The following PUS7 variants were observed in gnomAD, a reference collection of about 807,000 sequenced individuals.
PUS7 encodes pseudouridine synthase 7.
Under a neutral mutation model 79.8 loss-of-function variants are expected in PUS7, and 48 were observed. That is an observed-to-expected ratio of 0.60 (90% CI 0.48 to 0.76). The LOEUF is 0.76. PUS7 is among the 30% of genes least tolerant of loss of function. PUS7 has a pLI of 0.00. For missense variants in PUS7, 729 were observed against 797.6 expected (o/e 0.91, Z 1.04); for synonymous variants, 286 against 272.2 (o/e 1.05, Z -0.50).
rs368737887 is a variant in PUS7, at chr7:105,498,555, G to A, written c.731-3302C>T. Among the ~76,000 whole-genome samples the A allele has an allele frequency of 6.6e-5, 10 of 152,282 alleles. No individual in the cohort carries two copies. In the South Asian group the frequency reaches 2.1e-3, roughly 32 times the overall value. ...AAGTTCAGGAAGTTTGATTTATTGA[G>A]CACAGACATCTCCATGAATAAAGAA... On this transcript the variant is annotated intron_variant, in intron 5 of 15. Transcript: ENST00000469408.
rs780961129 is a variant in PUS7, at chr7:105,495,193, T to TTATA, written c.787_790dup (p.Lys264IlefsTer2). On this transcript the variant is annotated stop_gained and frameshift_variant, in exon 6 of 16. Coordinates refer to ENST00000469408, the MANE Select transcript of PUS7 (RefSeq NM_019042.5). LOFTEE classifies it high-confidence loss of function. ...AGCATCCATGGTGTCTTTGTTTTCC[T>TTATA]TATATAGTACGAAGTGGCAGTAACT... 2 of 1,613,030 alleles carry TTATA rather than the reference T, an allele frequency of 1.2e-6. No homozygotes were observed. The highest frequency in any genetic ancestry group is 1.7e-6 in the Non-Finnish European group (2 of 1,179,424).
chr7:105,514,675 T>C (rs1346583500), intron 1 of PUS7, among the ~76,000 whole-genome samples: 1 of 152,196 alleles, frequency 6.6e-6, no homozygotes, highest in Non-Finnish European at 1.5e-5. Context: ...AAACACTTTT[T>C]AAGCCTTGAG....
Position 105,508,326 on chromosome 7 carries a change from C to T in PUS7, c.187G>A (p.Asp63Asn). Reference protein sequence around the residue: ...SISEDVPRPPDTVSTGKGGKN... With the variant: ...SISEDVPRPPNTVSTGKGGKN... ...CCACCTTTCCCAGTACTGACAGTGT[C>T]AGGAGGCCGAGGCACGTCTTCACTG... is the stretch of plus-strand genomic sequence containing the variant. Residue 63 changes from aspartate (D) to asparagine (N), a missense_variant, in exon 2 of 16, where the codon GAC becomes AAC. Coordinates refer to ENST00000469408, the MANE Select transcript of PUS7 (RefSeq NM_019042.5). 1 of 1,614,164 alleles carries T rather than the reference C, an allele frequency of 6.2e-7. No homozygotes were observed. Among genetic ancestry groups the T allele is most frequent in the African/African-American group, 1.3e-5 (1 of 75,032 alleles).
At chr7:105,464,563 GTC>G (rs1205703161) in intron 13 of PUS7, among the ~76,000 whole-genome samples, 2 of 152,186 alleles carry the variant, frequency 1.3e-5, no homozygotes, top group African/African-American at 4.8e-5. Flanking sequence ...TTCTTCGCCT[GTC>G]TCTGGATGTC....
chr7:105,470,986 G>C, intron 10 of PUS7, 138 bp from the exon 11 acceptor site: 1 of 920,350 alleles, frequency 1.1e-6, no homozygotes, highest in East Asian at 2.8e-5. Context: ...CCACTCATCT[G>C]AGGAAGCGCA....
At chr7:105,460,890 C>G (rs946736598) in intron 14 of PUS7, among the ~76,000 whole-genome samples, 3 of 147,442 alleles carry the variant, frequency 2.0e-5, no homozygotes, top group African/African-American at 7.5e-5. Flanking sequence ...GTTTTTGAGA[C>G]AGGGTTTCGT....
intron 1 of PUS7, among the ~76,000 whole-genome samples, chr7:105,520,176 T>C (rs1243657700): frequency 6.6e-6 from 1 of 151,664 alleles, no homozygotes; most frequent in Non-Finnish European, 1.5e-5. Context: ...ATACAAAAAT[T>C]AGGCGGGGCG....
chr7:105,484,293 A>G (rs1219963040), intron 7 of PUS7, among the ~76,000 whole-genome samples: 1 of 152,060 alleles, frequency 6.6e-6, no homozygotes, highest in African/African-American at 2.4e-5. Context: ...CTGTGTTTCT[A>G]TATTTGTTGG....
rs750111255 is a variant in PUS7, at chr7:105,457,687, A to G, written c.*103T>C. 56 of 1,109,570 alleles carry G rather than the reference A, an allele frequency of 5.0e-5. No individual in the cohort carries two copies. Among genetic ancestry groups the G allele is most frequent in the Non-Finnish European group, 6.9e-5 (56 of 807,490 alleles). The allele number at this position is 1,109,570 out of a possible 1,614,324, so 68.7% of individuals were successfully genotyped here. A position where few individuals can be genotyped will look rare whatever the true frequency, so the allele number is the denominator to read the frequency against. On this transcript the variant is annotated 3_prime_UTR_variant, in exon 16 of 16. Coordinates refer to ENST00000469408, the MANE Select transcript of PUS7 (RefSeq NM_019042.5). ...AAAAATACAAATAATTTTTATTACA[A>G]AGATTTGAAATCCATATATGAGTCT...
At chr7:105,510,658 C>T (rs900924185) in intron 1 of PUS7, among the ~76,000 whole-genome samples, 9 of 152,004 alleles carry the variant, frequency 5.9e-5, no homozygotes, top group Admixed American at 1.3e-4. Context: ...GGATCACAGG[C>T]GTGTACCACC....
chr7:105,470,530 G>A, intron 11 of PUS7, 158 bp downstream of exon 11: 1 of 738,024 alleles, frequency 1.4e-6, no homozygotes, highest in Non-Finnish European at 2.0e-6. Flanking sequence ...ACCACTCAGG[G>A]TCTGAACAAA....
At position 105,491,394 on chromosome 7, in the gene PUS7, G is replaced by GA. The variant is rs1824773617; in HGVS notation, c.920+145dup. On this transcript the variant is annotated intron_variant, in intron 7 of 15. Coordinates refer to ENST00000469408, the MANE Select transcript of PUS7 (RefSeq NM_019042.5). ...ATACACGTTTCATAGATAAGAAGAAGAAAAAAACAGAATGAAAAGTAATTT... is the reference window on the plus strand; with the variant it reads ...ATACACGTTTCATAGATAAGAAGAAGAAAAAAAACAGAATGAAAAGTAATTT... 1.5e-5 allele frequency: 7 copies of GA among 456,002 alleles called. No individual in the cohort carries two copies. The East Asian group carries it at 2.4e-4, about 16-fold the overall frequency. 28.2% of individuals were successfully genotyped at this position (456,002 alleles called of 1,614,324 possible).
chr7:105,501,588 A>T (rs1825250741), intron 5 of PUS7, among the ~76,000 whole-genome samples: 1 of 152,190 alleles, frequency 6.6e-6, no homozygotes, highest in South Asian at 2.1e-4. Context: ...TTTATGTGTG[A>T]CTGAAGAAGA....
At chr7:105,508,935 CT>C (rs1205150141) in intron 1 of PUS7, among the ~76,000 whole-genome samples, 2 of 133,446 alleles carry the variant, frequency 1.5e-5, no homozygotes, top group Non-Finnish European at 3.1e-5. Context: ...AATCCCAGCA[CT>C]TTGGGAGGCC....
At chr7:105,483,995 A>G (rs1304091218) in intron 7 of PUS7, among the ~76,000 whole-genome samples, 1 of 152,158 alleles carries the variant, frequency 6.6e-6, no homozygotes, top group Non-Finnish European at 1.5e-5. Context: ...ACTCAGGTAA[A>G]CACTTTGGTA....
intron 5 of PUS7, among the ~76,000 whole-genome samples, chr7:105,501,469 T>C (rs1036719403): frequency 2.6e-5 from 4 of 152,142 alleles, no homozygotes; most frequent in Non-Finnish European, 4.4e-5. Flanking sequence ...GATAACACAT[T>C]AGAACATAAA....
In PUS7 at chr7:105,460,169, A is replaced by T. The variant is rs1461043590; in HGVS notation, c.1758-910T>A. 4.6e-5 allele frequency among the ~76,000 whole-genome samples: 7 copies of T among 151,882 alleles called. No homozygotes were observed. In the East Asian group the frequency reaches 1.4e-3, roughly 30 times the overall value. ...TAGCCAGGATGGTCTCGATCTCCTG[A>T]GCTCGTGATCTGCCCGCCTCGGCCT... is the stretch of plus-strand genomic sequence containing the variant. On this transcript the variant is annotated intron_variant, in intron 14 of 15. Transcript: ENST00000469408.
intron 9 of PUS7, among the ~76,000 whole-genome samples, chr7:105,473,048 C>T (rs1823938318): frequency 6.6e-6 from 1 of 151,462 alleles, no homozygotes; most frequent in Non-Finnish European, 1.5e-5. Flanking sequence ...GGCATAAGCC[C>T]CCGTGCCCGG....
intron 15 of PUS7, among the ~76,000 whole-genome samples, chr7:105,458,426 A>C (rs1823277365): frequency 6.7e-6 from 1 of 149,732 alleles, no homozygotes; most frequent in Non-Finnish European, 1.5e-5. Context: ...ACGCCCGCCT[A>C]ATTTTTTTTT....
Sources: gnomAD v4.1 joint callset for allele counts (sites outside exome capture counted in the v4.1 genomes callset) on GRCh38, gnomAD v4.1.1 for gene constraint, MANE v1.5 for transcripts, NCBI Gene and HGNC (gene_info 2026-07-23, HGNC 2026-07-21) for gene names.